Variants in CFHR3 observed in about 807,000 individuals in gnomAD.
CFHR3 encodes complement factor H-related protein 3.
A neutral mutation model predicts 36.0 loss-of-function variants in CFHR3; 22 were observed. The ratio of observed to expected loss-of-function variants is 0.61; its 90% CI spans 0.44 to 0.87. The LOEUF (loss-of-function observed/expected upper bound fraction) is 0.87. Ranked by LOEUF, CFHR3 falls within the 40% of genes least tolerant of loss-of-function variation. The pLI, the probability that CFHR3 is intolerant of heterozygous loss-of-function variation, is 0.00. For missense variants in CFHR3, 276 were observed against 401.3 expected, an observed-to-expected ratio of 0.69 and a Z score of 2.67; for synonymous variants, 97 against 137.4, an observed-to-expected ratio of 0.71 and a Z score of 2.06.
At position 196,793,659 on chromosome 1, in the gene CFHR3, C is replaced by A; in HGVS notation, c.*146C>A. 23 of 743,672 alleles carry A rather than the reference C, an allele frequency of 3.1e-5. No homozygotes were observed. The highest frequency in any genetic ancestry group is 9.3e-5 in the East Asian group (3 of 32,386). The allele number at this position is 743,672 out of a possible 1,614,324, so 46.1% of individuals were successfully genotyped here. ...AAATTAATATAATAGTTTCAATTTGCAACTTAATATATTCTCAAAAATATA... is the reference window on the plus strand; with the variant it reads ...AAATTAATATAATAGTTTCAATTTGAAACTTAATATATTCTCAAAAATATA... On this transcript the variant is annotated 3_prime_UTR_variant, in exon 6 of 6. Transcript: ENST00000367425.
Position 196,775,430 on chromosome 1 carries a change from A to G in CFHR3, c.58+486A>G, listed in dbSNP as rs1653672802. Among the ~76,000 whole-genome samples, 2 of 137,024 alleles carry G rather than the reference A, an allele frequency of 1.5e-5. 1 individual carries two copies. The highest frequency in any genetic ancestry group is 6.1e-5 in the African/African-American group (2 of 33,008). The allele number at this position is 137,024 out of a possible 152,430, so 89.9% of individuals were successfully genotyped here. ...CTTATATTTCTATTATAGCTTAAGA[A>G]AGCTGCTAAAACTAATTAACATTAA... On this transcript the variant is annotated intron_variant, in intron 1 of 5. Transcript: ENST00000367425.
In CFHR3 at chr1:196,781,653, GT is replaced by G. The variant is rs1180740167; in HGVS notation, c.430+1687del. On this transcript the variant is annotated intron_variant, in intron 3 of 5. Coordinates refer to ENST00000367425, the MANE Select transcript of CFHR3 (RefSeq NM_021023.6). ...TGCCCACTTTTTGATGGGGTTGTTTGTTTTTTTCTTGTAAATTTGTTTGAGT... is the reference window on the plus strand; with the variant it reads ...TGCCCACTTTTTGATGGGGTTGTTTGTTTTTTCTTGTAAATTTGTTTGAGT... Among the ~76,000 whole-genome samples, 3 of 135,272 alleles carry G rather than the reference GT, an allele frequency of 2.2e-5. 1 individual carries two copies. The highest frequency in any genetic ancestry group is 2.1e-4 in the Admixed American group (3 of 14,050). 88.7% of individuals were successfully genotyped at this position (135,272 alleles called of 152,430 possible).
At chr1:196,784,532 GA>G (rs1258138435) in intron 3 of CFHR3, among the ~76,000 whole-genome samples, 1 of 136,112 alleles carries the variant, frequency 7.3e-6, no homozygotes, top group East Asian at 2.0e-4. Context: ...TCTTCTTGTT[GA>G]ATTGATCCCT....
Position 196,793,009 on chromosome 1 carries a change from T to C in CFHR3, c.797-308T>C, listed in dbSNP as rs1479081895. ...CCAATGGAACATGTTAGCATAATCC[T>C]TTTTGATATGAAGTCACTAGGGTGG... On this transcript the variant is annotated intron_variant, in intron 5 of 5. Transcript: ENST00000367425. Among the ~76,000 whole-genome samples, 2 of 134,962 alleles carry C rather than the reference T, an allele frequency of 1.5e-5. 1 individual carries two copies. The highest frequency in any genetic ancestry group is 3.1e-5 in the Non-Finnish European group (2 of 64,094). 88.5% of individuals were successfully genotyped at this position (134,962 alleles called of 152,430 possible).
At chr1:196,779,642 C>A (rs1653865076) in intron 2 of CFHR3, among the ~76,000 whole-genome samples, 155 bp from the exon 3 acceptor site, 1 of 136,108 alleles carries the variant, frequency 7.3e-6, no homozygotes, top group African/African-American at 3.1e-5. Context: ...TCTTGTACAA[C>A]CTTTGTTAGT....
rs1278576603 is a variant in CFHR3 at position 196,777,119 on chromosome 1, T to G, written c.59-2043T>G. Among the ~76,000 whole-genome samples the G allele has an allele frequency of 1.9e-4, 26 of 136,692 alleles. 4 individuals carry two copies. Among genetic ancestry groups the G allele is most frequent in the Non-Finnish European group, 3.7e-4 (24 of 64,512 alleles). 89.7% of individuals were successfully genotyped at this position (136,692 alleles called of 152,430 possible). A position where few individuals can be genotyped will look rare whatever the true frequency, so the allele number is the denominator to read the frequency against. ...AACAATAAAATCAGCACACCAATTC[T>G]TTTGGAAGCCACGCTATTTGAAAGA... On this transcript the variant is annotated intron_variant, in intron 1 of 5. Coordinates refer to ENST00000367425, the MANE Select transcript of CFHR3 (RefSeq NM_021023.6).
Position 196,793,255 on chromosome 1 carries a change from T to C in CFHR3, c.797-62T>C. ...TTTTATCCTAAACTACTCATTAGGATGCATTTTATTTGCTCATGAAAGAGA... is the reference window on the plus strand; with the variant it reads ...TTTTATCCTAAACTACTCATTAGGACGCATTTTATTTGCTCATGAAAGAGA... On this transcript the variant is annotated intron_variant, in intron 5 of 5. Transcript: ENST00000367425. The C allele has an allele frequency of 5.2e-6, 7 of 1,347,160 alleles. 1 individual carries two copies. The highest frequency in any genetic ancestry group is 6.0e-6 in the Non-Finnish European group (6 of 993,674). 83.5% of individuals were successfully genotyped at this position (1,347,160 alleles called of 1,614,324 possible). A position where few individuals can be genotyped will look rare whatever the true frequency, so the allele number is the denominator to read the frequency against.
Position 196,779,204 on chromosome 1 carries a change from T to A in CFHR3, c.101T>A (p.Phe34Tyr), listed in dbSNP as rs61737523. 1 of 1,530,038 alleles carries A rather than the reference T, an allele frequency of 6.5e-7. No homozygotes were observed. The highest frequency in any genetic ancestry group is 1.7e-5 in the African/African-American group (1 of 60,582). 94.8% of individuals were successfully genotyped at this position (1,530,038 alleles called of 1,614,324 possible). The change falls in exon 2 of 6, where the codon TTT becomes TAT. Residue 34 changes from phenylalanine to tyrosine, a missense_variant. This residue lies in a region of CFHR3 where 178 missense variants were observed against 247.2 expected (regional missense o/e 0.72). Coordinates refer to ENST00000367425, the MANE Select transcript of CFHR3 (RefSeq NM_021023.6). ...DFPDIKHGGL[F>Y]HENMRRPYFP... ...CCAGACATTAAACATGGAGGTCTAT[T>A]TCATGAGAATATGCGTAGACCATAC...
At position 196,786,874 on chromosome 1, in the gene CFHR3, C is replaced by T. The variant is rs1234638400; in HGVS notation, c.431-1342C>T. 1.5e-5 allele frequency among the ~76,000 whole-genome samples: 2 copies of T among 137,426 alleles called. 1 individual carries two copies. Among genetic ancestry groups the T allele is most frequent in the African/African-American group, 6.1e-5 (2 of 32,976 alleles). The allele number at this position is 137,426 out of a possible 152,430, so 90.2% of individuals were successfully genotyped here. A position where few individuals can be genotyped will look rare whatever the true frequency, so the allele number is the denominator to read the frequency against. ...GAACCCAGAACCTCAGATGGAAATG[C>T]AGAAATCACCCGTCTTCTGCGTCGC... On this transcript the variant is annotated intron_variant, in intron 3 of 5. Transcript: ENST00000367425.
chr1:196,781,419 T>C lies in CFHR3; in HGVS notation c.430+1446T>C, dbSNP rs1355002210. Among the ~76,000 whole-genome samples, 5 of 135,100 alleles carry C rather than the reference T, an allele frequency of 3.7e-5. 1 individual carries two copies. Among genetic ancestry groups the C allele is most frequent in the African/African-American group, 1.3e-4 (4 of 31,838 alleles). 88.6% of individuals were successfully genotyped at this position (135,100 alleles called of 152,430 possible). A position where few individuals can be genotyped will look rare whatever the true frequency, so the allele number is the denominator to read the frequency against. On this transcript the variant is annotated intron_variant, in intron 3 of 5. Coordinates refer to ENST00000367425, the MANE Select transcript of CFHR3 (RefSeq NM_021023.6). Reference sequence around the variant, plus strand: ...TTGAACTAGTTTACAGTCCCACCAATGGTGTAAAAGTGTTCCTATTTCTTC... The same window carrying C: ...TTGAACTAGTTTACAGTCCCACCAACGGTGTAAAAGTGTTCCTATTTCTTC...
In CFHR3 at chr1:196,780,014, T is replaced by G. The variant is rs1489136697; in HGVS notation, c.430+41T>G. The stretch of plus-strand genomic sequence containing the variant: ...TGAGATCCCAGCATGTTCATGTCTT[T>G]CTAAGTAACACGGACGACAGTCTCA... On this transcript the variant is annotated intron_variant, in intron 3 of 5. Coordinates refer to ENST00000367425, the MANE Select transcript of CFHR3 (RefSeq NM_021023.6). The G allele has an allele frequency of 3.3e-6, 5 of 1,528,816 alleles. 1 individual carries two copies. The highest frequency in any genetic ancestry group is 3.5e-6 in the Non-Finnish European group (4 of 1,129,696). The allele number at this position is 1,528,816 out of a possible 1,614,324, so 94.7% of individuals were successfully genotyped here. A position where few individuals can be genotyped will look rare whatever the true frequency, so the allele number is the denominator to read the frequency against.
chr1:196,783,770 A>T (rs1180801793), intron 3 of CFHR3, among the ~76,000 whole-genome samples: 1 of 136,024 alleles, frequency 7.4e-6, no homozygotes, highest in Non-Finnish European at 1.6e-5. Context: ...GGATTCATTA[A>T]TTTTTTGACA....
At chr1:196,777,883 A>T (rs537770932) in intron 1 of CFHR3, among the ~76,000 whole-genome samples, 1 of 128,614 alleles carries the variant, frequency 7.8e-6, no homozygotes, top group Non-Finnish European at 1.6e-5. Flanking sequence ...GCTACTCAGG[A>T]GACTGAGGCA....
chr1:196,775,070 G>A, intron 1 of CFHR3, 126 bp downstream of exon 1: 1 of 823,140 alleles, frequency 1.2e-6, no homozygotes, highest in South Asian at 1.9e-5. Context: ...TAGTAGAAGT[G>A]ACATATTTTG....
rs1036877684 is a variant in CFHR3, at chr1:196,783,050, A to G, written c.430+3077A>G. 2.2e-5 allele frequency among the ~76,000 whole-genome samples: 3 copies of G among 136,850 alleles called. 1 individual carries two copies. The highest frequency in any genetic ancestry group is 9.2e-5 in the African/African-American group (3 of 32,694). 89.8% of individuals were successfully genotyped at this position (136,850 alleles called of 152,430 possible). A position where few individuals can be genotyped will look rare whatever the true frequency, so the allele number is the denominator to read the frequency against. ...TTTGTCAAAGGCCTTTTCTGCATCTATTGAGATAATCATGTGGTTTTTGTC... is the reference window on the plus strand; with the variant it reads ...TTTGTCAAAGGCCTTTTCTGCATCTGTTGAGATAATCATGTGGTTTTTGTC... On this transcript the variant is annotated intron_variant, in intron 3 of 5. Coordinates refer to ENST00000367425, the MANE Select transcript of CFHR3 (RefSeq NM_021023.6).
intron 4 of CFHR3, chr1:196,788,753 AT>A: frequency 6.9e-7 from 1 of 1,451,596 alleles, no homozygotes; most frequent in Non-Finnish European, 9.1e-7. Context: ...AGCTGCTTGT[AT>A]TGCATTCCGT....
chr1:196,787,411 T>C (rs1368518778), intron 3 of CFHR3, among the ~76,000 whole-genome samples: 1 of 137,306 alleles, frequency 7.3e-6, no homozygotes, highest in Non-Finnish European at 1.5e-5. Flanking sequence ...AATGCTATAT[T>C]ATAAATATGC....
In CFHR3 at chr1:196,776,787, TAAA is replaced by T. The variant is rs1319516789; in HGVS notation, c.58+1845_58+1847del. ...ATACTATGATATTTACACAATGTAT[TAAA>T]AGAATATTAATAATTAAAAATAACT... On this transcript the variant is annotated intron_variant, in intron 1 of 5. Coordinates refer to ENST00000367425, the MANE Select transcript of CFHR3 (RefSeq NM_021023.6). Among the ~76,000 whole-genome samples the T allele has an allele frequency of 5.9e-5, 8 of 135,446 alleles. 1 individual carries two copies. The highest frequency in any genetic ancestry group is 7.8e-5 in the Non-Finnish European group (5 of 64,286). The allele number at this position is 135,446 out of a possible 152,430, so 88.9% of individuals were successfully genotyped here.
At position 196,788,341 on chromosome 1, in the gene CFHR3, T is replaced by A. The variant is rs370867050; in HGVS notation, c.556T>A (p.Ser186Thr). ...AGGATATGCAACAGCAGATGGAAAT[T>A]CTTCAGGATCAATTACATGTTTGCA... ...KPGYATADGN[S>T]SGSITCLQNG... is the part of the protein sequence containing the mutation. The change falls in exon 4 of 6, where the codon TCT becomes ACT. Residue 186 changes from serine to threonine, a missense_variant. Physicochemically the swap from Ser to Thr is moderately conservative, Grantham distance 58. This residue lies in a region of CFHR3 where 178 missense variants were observed against 247.2 expected (regional missense o/e 0.72). Transcript: ENST00000367425. 22 of 1,528,790 alleles carry A rather than the reference T, an allele frequency of 1.4e-5. 3 individuals carry two copies. Among genetic ancestry groups the A allele is most frequent in the Non-Finnish European group, 1.9e-5 (22 of 1,131,582 alleles). The allele number at this position is 1,528,790 out of a possible 1,614,324, so 94.7% of individuals were successfully genotyped here.
Sources: allele counts gnomAD v4.1 joint callset (sites outside exome capture counted in the v4.1 genomes callset), GRCh38; gene constraint gnomAD v4.1.1; regional missense constraint gnomAD v4.1.1; transcripts MANE v1.5; gene names NCBI Gene and HGNC (gene_info 2026-07-23, HGNC 2026-07-21).